The following AIG1 variants were observed in gnomAD, a reference collection of about 807,000 sequenced individuals.
AIG1 encodes the protein androgen-induced gene 1 protein.
AIG1 carries 23 observed loss-of-function variants against 31.4 expected under a neutral mutation model. That is an observed-to-expected ratio of 0.73 (90% CI 0.53 to 1.04). AIG1 has a LOEUF of 1.04. AIG1 is among the 50% of genes least tolerant of loss of function. The probability of loss-of-function intolerance (pLI) is 0.00; values close to 1 mark genes in which losing one functional copy is unlikely to be tolerated. For synonymous variants in AIG1, 100 were observed against 110.5 expected, an observed-to-expected ratio of 0.90 and a Z score of 0.60; for missense variants, 274 against 295.0, an observed-to-expected ratio of 0.93 and a Z score of 0.52.
chr6:143,199,243 T>C (rs1235172183), intron 3 of AIG1, among the ~76,000 whole-genome samples: 1 of 152,148 alleles, frequency 6.6e-6, no homozygotes, highest in Non-Finnish European at 1.5e-5. Context: ...ATTAATTTTG[T>C]TAGGTTTGAC....
chr6:143,227,407 C>T (rs1385141259), intron 3 of AIG1, among the ~76,000 whole-genome samples: 1 of 152,096 alleles, frequency 6.6e-6, no homozygotes, highest in Non-Finnish European at 1.5e-5. Context: ...CCCCATTTGG[C>T]CCTATTGGCA....
chr6:143,305,846 T>C (rs1432722232), intron 4 of AIG1, among the ~76,000 whole-genome samples: 1 of 151,820 alleles, frequency 6.6e-6, no homozygotes, highest in Non-Finnish European at 1.5e-5. Context: ...CCCATTATTA[T>C]TGTGTGGGAG....
upstream of AIG1, chr6:143,060,473 C>T (rs1402494848): frequency 1.2e-5 from 3 of 248,662 alleles, no homozygotes; most frequent in African/African-American, 4.7e-5. Context: ...AGTCTAGGTT[C>T]CCCGCCCCCT....
chr6:143,099,739 T>C (rs1452620148), intron 1 of AIG1: 1 of 152,182 alleles, frequency 6.6e-6, no homozygotes, highest in African/African-American at 2.4e-5. Context: ...CAATGGACCA[T>C]TGTGATATCA....
intron 1 of AIG1, among the ~76,000 whole-genome samples, chr6:143,119,462 C>G (rs1583236239): frequency 6.6e-6 from 1 of 152,190 alleles, no homozygotes; most frequent in African/African-American, 2.4e-5. Flanking sequence ...CACAGGCAGG[C>G]AGCTTGTACT....
chr6:143,158,137 T>G (rs1473940844), intron 2 of AIG1, among the ~76,000 whole-genome samples: 1 of 152,198 alleles, frequency 6.6e-6, no homozygotes, highest in Non-Finnish European at 1.5e-5. Flanking sequence ...GACATAAAGC[T>G]TGGTCTCCAT....
At chr6:143,336,350 C>T (rs1052653180) in intron 5 of AIG1, among the ~76,000 whole-genome samples, 2 of 152,106 alleles carry the variant, frequency 1.3e-5, no homozygotes, top group Admixed American at 6.6e-5. Flanking sequence ...TCATCGAAAC[C>T]GACCCTTTCC....
intron 3 of AIG1, among the ~76,000 whole-genome samples, chr6:143,249,289 A>T (rs990508382): frequency 7.2e-5 from 11 of 152,236 alleles, no homozygotes; most frequent in African/African-American, 2.2e-4. Context: ...TAACATAGTG[A>T]CGGAATGATC....
rs1261697092 is a variant in AIG1 at position 143,279,123 on chromosome 6, A to G, written c.400-4987A>G. ...GTGTATACGTATATGATGTTTTATG[A>G]CAGCATTGGTATACAGATGAATATA... On this transcript the variant is annotated intron_variant, in intron 3 of 5. Coordinates refer to ENST00000357847, the MANE Select transcript of AIG1 (RefSeq NM_016108.4). This position sits in a 1 kb window ranked among gnomAD's most constrained non-coding sequence, Gnocchi z 5.4. 6.6e-6 allele frequency among the ~76,000 whole-genome samples: 1 copy of G among 152,196 alleles called. No individual in the cohort carries two copies.
downstream of AIG1, among the ~76,000 whole-genome samples, chr6:143,341,898 C>T (rs944177378): frequency 6.6e-6 from 1 of 152,040 alleles, no homozygotes; most frequent in East Asian, 1.9e-4. Context: ...CAATATAATC[C>T]CTGGGATATC....
intron 4 of AIG1, among the ~76,000 whole-genome samples, chr6:143,295,454 C>T (rs967282990): frequency 3.3e-5 from 5 of 152,216 alleles, no homozygotes; most frequent in African/African-American, 1.2e-4. Context: ...CGGACCCCTG[C>T]TGACCTCTGG....
chr6:143,322,503 A>G (rs1434087332), intron 4 of AIG1, among the ~76,000 whole-genome samples: 5 of 152,182 alleles, frequency 3.3e-5, no homozygotes, highest in Non-Finnish European at 5.9e-5. Flanking sequence ...AATGTTTGGC[A>G]TCTATGTGCC....
At chr6:143,178,877 C>G (rs536993958) in intron 3 of AIG1, among the ~76,000 whole-genome samples, 20 of 152,206 alleles carry the variant, frequency 1.3e-4, no homozygotes, top group Non-Finnish European at 2.8e-4. Flanking sequence ...CGTTATGGCC[C>G]CAGAAATCAC....
At chr6:143,156,390 A>G (rs1785762125) in intron 2 of AIG1, among the ~76,000 whole-genome samples, 1 of 152,198 alleles carries the variant, frequency 6.6e-6, no homozygotes, top group South Asian at 2.1e-4. Flanking sequence ...GTATAGTATG[A>G]CCTAATTTCA....
chr6:143,334,030 C>G lies in AIG1; in HGVS notation c.679+585C>G, dbSNP rs781658749. 2 of 1,544,590 alleles carry G rather than the reference C, an allele frequency of 1.3e-6. No homozygotes were observed. Among genetic ancestry groups the G allele is most frequent in the Admixed American group, 2.0e-5 (1 of 49,870 alleles). ...AGATAATATTTCGTGGCTGGAAAAA[C>G]TCTTTTAACCTGTGATTTGATTTCT... On this transcript the variant is annotated intron_variant, in intron 5 of 5. Coordinates refer to ENST00000357847, the MANE Select transcript of AIG1 (RefSeq NM_016108.4). The surrounding 1 kb of genome is among the most constrained non-coding windows in gnomAD (Gnocchi z 5.1).
At chr6:143,167,811 T>C (rs181726860) in intron 3 of AIG1, among the ~76,000 whole-genome samples, 223 of 152,304 alleles carry the variant, frequency 1.5e-3, no homozygotes, top group African/African-American at 5.1e-3. Flanking sequence ...GTTCAATAGA[T>C]TCTTTCACAA....
chr6:143,132,190 T>G (rs1783301315), intron 1 of AIG1, among the ~76,000 whole-genome samples: 2 of 152,186 alleles, frequency 1.3e-5, no homozygotes, highest in South Asian at 4.1e-4. Flanking sequence ...ATCTTTTATA[T>G]TTATTTTCAT....
chr6:143,343,657 C>T (rs540978544), downstream of AIG1, among the ~76,000 whole-genome samples: 4 of 152,218 alleles, frequency 2.6e-5, no homozygotes, highest in Non-Finnish European at 4.4e-5. Flanking sequence ...AATGCCCTCA[C>T]TATATTTTCT....
rs1335566502 is a variant in AIG1 at position 143,268,238 on chromosome 6, G to A, written c.400-15872G>A. ...AAGGTTGGTTGTGTGATCTACATGT[G>A]GAGCTCAGAGCATGTTTCTTCCTCC... On this transcript the variant is annotated intron_variant, in intron 3 of 5. Coordinates refer to ENST00000357847, the MANE Select transcript of AIG1 (RefSeq NM_016108.4). The surrounding 1 kb of genome is among the most constrained non-coding windows in gnomAD (Gnocchi z 5.0). Among the ~76,000 whole-genome samples the A allele has an allele frequency of 6.6e-6, 1 of 152,122 alleles. No individual in the cohort carries two copies. Among genetic ancestry groups the A allele is most frequent in the Non-Finnish European group, 1.5e-5 (1 of 68,018 alleles).
Sources: allele counts gnomAD v4.1 joint callset (sites outside exome capture counted in the v4.1 genomes callset), GRCh38; gene constraint gnomAD v4.1.1; non-coding constraint Gnocchi (gnomAD v3.1); transcripts MANE v1.5; gene names NCBI Gene and HGNC (gene_info 2026-07-23, HGNC 2026-07-21).